SLC22A2: variants seen among roughly 807,000 people sequenced by gnomAD.
SLC22A2 encodes solute carrier family 22 member 2.
A neutral mutation model predicts 60.5 loss-of-function variants in SLC22A2; 46 were observed. The observed-to-expected ratio is 0.76, with a 90% CI of 0.60 to 0.97. SLC22A2 has a LOEUF of 0.97. SLC22A2 is among the 50% of genes least tolerant of loss of function. SLC22A2 has a pLI of 0.00. For synonymous variants in SLC22A2, 303 were observed against 267.0 expected, an observed-to-expected ratio of 1.13 and a Z score of -1.31; for missense variants, 701 against 706.6, an observed-to-expected ratio of 0.99 and a Z score of 0.09.
intron 7 of SLC22A2, 138 bp from the exon 8 acceptor site, chr6:160,242,540 C>G: frequency 1.6e-6 from 1 of 629,070 alleles, no homozygotes; most frequent in Non-Finnish European, 2.9e-6. Flanking sequence ...TCTATAGGCT[C>G]ATGTTAATGT....
At chr6:160,250,800 A>G in intron 2 of SLC22A2, 98 bp from the exon 3 acceptor site, 1 of 1,252,758 alleles carries the variant, frequency 8.0e-7, no homozygotes, top group Non-Finnish European at 1.1e-6. Flanking sequence ...ACAAAGTTAG[A>G]GGTTAACTTT....
intron 9 of SLC22A2, among the ~76,000 whole-genome samples, chr6:160,225,349 G>A (rs996619422): frequency 5.9e-5 from 9 of 151,978 alleles, no homozygotes; most frequent in African/African-American, 2.2e-4. Context: ...ACACTTACAT[G>A]TTTTTGTTTC....
At chr6:160,242,485 C>A in intron 7 of SLC22A2, 83 bp from the exon 8 acceptor site, 1 of 809,866 alleles carries the variant, frequency 1.2e-6, no homozygotes, top group South Asian at 1.4e-5. Context: ...ACTGTAAGGA[C>A]AAATTCCCCA....
chr6:160,245,694 A>ACT, intron 5 of SLC22A2, 149 bp from the exon 6 acceptor site: 1 of 163,438 alleles, frequency 6.1e-6, no homozygotes, highest in Non-Finnish European at 1.1e-5. Flanking sequence ...GTCCCATTTC[A>ACT]TTTTTTTTTT....
At position 160,217,287 on chromosome 6, in the gene SLC22A2, A is replaced by T. The variant is rs574276097; in HGVS notation, c.*145T>A. On this transcript the variant is annotated 3_prime_UTR_variant, in exon 11 of 11. Transcript: ENST00000366953. ...GGTATTTTTCCACAGTGTACAATAG[A>T]CTCCACTGGCTGTAGACCTAGGTTG... 1.2e-4 allele frequency: 69 copies of T among 558,718 alleles called. No homozygotes were observed. The highest frequency in any genetic ancestry group is 1.8e-4 in the Non-Finnish European group (58 of 316,548). The allele number at this position is 558,718 out of a possible 1,614,324, so 34.6% of individuals were successfully genotyped here.
intron 10 of SLC22A2, 62 bp from the exon 11 acceptor site, chr6:160,217,560 A>C: frequency 1.2e-6 from 1 of 830,122 alleles, no homozygotes; most frequent in Non-Finnish European, 2.1e-6. Context: ...GAAAACCAAA[A>C]TAAAGTGGGT....
Position 160,228,727 on chromosome 6 carries a change from A to G in SLC22A2, c.1502-3923T>C, listed in dbSNP as rs146184708. Among the ~76,000 whole-genome samples, 661 of 152,190 alleles carry G rather than the reference A, an allele frequency of 4.3e-3. 6 individuals are homozygous for G. The highest frequency in any genetic ancestry group is 0.015 in the African/African-American group (634 of 41,468). ...GTATATATCCAGATGGCCTGAAGTAACTGAAGAATCACAAAAGAAGTGAAA... is the reference window on the plus strand; with the variant it reads ...GTATATATCCAGATGGCCTGAAGTAGCTGAAGAATCACAAAAGAAGTGAAA... On this transcript the variant is annotated intron_variant, in intron 9 of 10. Transcript: ENST00000366953.
At chr6:160,223,178 C>T (rs1218206905) in intron 10 of SLC22A2, among the ~76,000 whole-genome samples, 1 of 152,134 alleles carries the variant, frequency 6.6e-6, no homozygotes, top group Non-Finnish European at 1.5e-5. Context: ...TCTAAACATA[C>T]TGTATAAACA....
intron 10 of SLC22A2, chr6:160,218,400 TAGCAACAGC>T (rs1230964365): frequency 8.6e-6 from 2 of 233,578 alleles, no homozygotes; most frequent in Admixed American, 6.1e-5. Context: ...GCAGCAATAG[TAGCAACAGC>T]AGCAACAACA....
chr6:160,224,260 C>T (rs1344128734), intron 10 of SLC22A2, among the ~76,000 whole-genome samples: 2 of 147,924 alleles, frequency 1.4e-5, no homozygotes, highest in Non-Finnish European at 3.0e-5. Context: ...TTTTTATTTC[C>T]TTTTCATTGA....
At chr6:160,242,972 C>T (rs1381084795) in intron 7 of SLC22A2, among the ~76,000 whole-genome samples, 1 of 152,124 alleles carries the variant, frequency 6.6e-6, no homozygotes, top group Non-Finnish European at 1.5e-5. Context: ...CGGAGTTATA[C>T]CAGTTTCCAA....
intron 10 of SLC22A2, among the ~76,000 whole-genome samples, chr6:160,219,432 A>G (rs1782609429): frequency 9.4e-6 from 1 of 106,104 alleles, no homozygotes; most frequent in African/African-American, 3.7e-5. Context: ...CTAACTAAAT[A>G]CCAAGCACTG....
In SLC22A2 at chr6:160,217,376, C is replaced by G; in HGVS notation, c.*56G>C. ...TTTGTGATGAGTGCAGGGATTTCTA[C>G]TTTTGGTCTTGCTGCCATCAAAGCT... is the stretch of plus-strand genomic sequence containing the variant. On this transcript the variant is annotated 3_prime_UTR_variant, in exon 11 of 11. Coordinates refer to ENST00000366953, the MANE Select transcript of SLC22A2 (RefSeq NM_003058.4). 1 of 1,135,958 alleles carries G rather than the reference C, an allele frequency of 8.8e-7. No homozygotes were observed. The highest frequency in any genetic ancestry group is 1.5e-5 in the African/African-American group (1 of 64,610). 70.4% of individuals were successfully genotyped at this position (1,135,958 alleles called of 1,614,324 possible).
At chr6:160,252,084 G>A (rs957501263) in intron 2 of SLC22A2, among the ~76,000 whole-genome samples, 3 of 152,212 alleles carry the variant, frequency 2.0e-5, no homozygotes, top group African/African-American at 4.8e-5. Context: ...CCTAGGTAAC[G>A]ATGTAATTTC....
At chr6:160,236,272 A>G (rs996267145) in intron 9 of SLC22A2, among the ~76,000 whole-genome samples, 4 of 152,240 alleles carry the variant, frequency 2.6e-5, no homozygotes, top group African/African-American at 9.6e-5. Flanking sequence ...ATGTATATCA[A>G]ACAAAGCAGG....
intron 5 of SLC22A2, 72 bp from the exon 6 acceptor site, chr6:160,245,617 A>G: frequency 1.2e-6 from 1 of 863,456 alleles, no homozygotes; most frequent in African/African-American, 2.0e-5. Context: ...AGGGAATAAC[A>G]ATAATTTCTT....
intron 3 of SLC22A2, 103 bp downstream of exon 3, chr6:160,250,445 G>A: frequency 9.6e-7 from 1 of 1,038,788 alleles, no homozygotes; most frequent in Non-Finnish European, 1.5e-6. Context: ...TCTCAATATT[G>A]TCTTGAAGCT....
chr6:160,253,915 A>G (rs977524784), intron 2 of SLC22A2, among the ~76,000 whole-genome samples: 5 of 152,174 alleles, frequency 3.3e-5, no homozygotes, highest in Non-Finnish European at 7.3e-5. Flanking sequence ...CAATCAATAA[A>G]CACTACAAAC....
intron 4 of SLC22A2, among the ~76,000 whole-genome samples, chr6:160,247,771 A>G (rs1393883071): frequency 6.6e-6 from 1 of 152,246 alleles, no homozygotes; most frequent in African/African-American, 2.4e-5. Context: ...TTGATGTAGC[A>G]GGGCTCGGGG....
Sources: allele counts gnomAD v4.1 joint callset (sites outside exome capture counted in the v4.1 genomes callset), GRCh38; gene constraint gnomAD v4.1.1; transcripts MANE v1.5; gene names NCBI Gene and HGNC (gene_info 2026-07-23, HGNC 2026-07-21).